EML6: variants seen among roughly 807,000 people sequenced by gnomAD.
The protein encoded by EML6 is echinoderm microtubule-associated protein-like 6.
In EML6, 154 loss-of-function variants were observed where a neutral mutation model predicts 240.1. That is an observed-to-expected ratio of 0.64 (90% CI 0.56 to 0.73). The LOEUF (loss-of-function observed/expected upper bound fraction) is 0.73. Ranked by LOEUF, EML6 falls within the 30% of genes least tolerant of loss-of-function variation. The pLI, the probability that EML6 is intolerant of heterozygous loss-of-function variation, is 0.00. For synonymous variants in EML6, 1,148 were observed against 899.0 expected (o/e 1.28, Z -4.95); for missense variants, 2,964 against 2,474.6 (o/e 1.20, Z -4.20).
intron 26 of EML6, among the ~76,000 whole-genome samples, chr2:54,925,310 A>G (rs536818151): frequency 1.3e-5 from 2 of 152,172 alleles, no homozygotes; most frequent in Non-Finnish European, 2.9e-5. Context: ...AGCCTCTAAA[A>G]CTGTGAGAAA....
At chr2:54,902,982 C>G in intron 22 of EML6, 62 bp from the exon 23 acceptor site, 6 of 1,441,994 alleles carry the variant, frequency 4.2e-6, no homozygotes, top group Non-Finnish European at 5.7e-6. Context: ...TTCATCTTTT[C>G]ATGTGGTTTG....
intron 6 of EML6, 32 bp downstream of exon 6, chr2:54,827,783 A>T: frequency 6.7e-7 from 1 of 1,493,572 alleles, no homozygotes; most frequent in Non-Finnish European, 9.1e-7. Flanking sequence ...TCTGTGGGTG[A>T]CCTACCAAAT....
At chr2:54,798,072 T>C (rs1669917121) in intron 2 of EML6, among the ~76,000 whole-genome samples, 1 of 152,228 alleles carries the variant, frequency 6.6e-6, no homozygotes, top group Admixed American at 6.5e-5. Flanking sequence ...AATGAAGCAA[T>C]TTGAGGAGGT....
At chr2:54,905,680 A>G (rs895203460) in intron 24 of EML6, among the ~76,000 whole-genome samples, 1 of 152,144 alleles carries the variant, frequency 6.6e-6, no homozygotes, top group Non-Finnish European at 1.5e-5. Flanking sequence ...CATTCCCATT[A>G]AATGATAACT....
At chr2:54,915,131 A>G (rs1305395546) in intron 25 of EML6, among the ~76,000 whole-genome samples, 1 of 152,184 alleles carries the variant, frequency 6.6e-6, no homozygotes, top group Non-Finnish European at 1.5e-5. Flanking sequence ...ACCCTTTTGC[A>G]TTGACGGATT....
In EML6 at chr2:54,866,631, T is replaced by C. The variant is rs576763483; in HGVS notation, c.1933-135T>C. ...AGTTTTATTCATTAGGAAAAAGTAA[T>C]ATTCATTCTCATGTCTTAAGTTTTC... On this transcript the variant is annotated intron_variant, in intron 13 of 41. Coordinates refer to ENST00000356458, the MANE Select transcript of EML6 (RefSeq NM_001039753.4). 1,090 of 487,244 alleles carry C rather than the reference T, an allele frequency of 2.2e-3. 6 individuals are homozygous for C. The highest frequency in any genetic ancestry group is 9.0e-3 in the South Asian group (206 of 22,864). The allele number at this position is 487,244 out of a possible 1,614,324, so 30.2% of individuals were successfully genotyped here. A position where few individuals can be genotyped will look rare whatever the true frequency, so the allele number is the denominator to read the frequency against.
At chr2:54,888,526 C>T (rs952450720) in intron 17 of EML6, among the ~76,000 whole-genome samples, 2 of 152,160 alleles carry the variant, frequency 1.3e-5, no homozygotes, top group African/African-American at 2.4e-5. Context: ...ATCCCTCCTC[C>T]CTCCTCTGTA....
In EML6 at chr2:54,915,389, G is replaced by T. The variant is rs559576632; in HGVS notation, c.3499-1370G>T. The stretch of plus-strand genomic sequence containing the variant: ...ATCTAGAATTTGGAAGGGAGTCAAT[G>T]GCCAAAAGCATGCTTCCAGAACCAG... On this transcript the variant is annotated intron_variant, in intron 25 of 41. Transcript: ENST00000356458. 1.1e-4 allele frequency among the ~76,000 whole-genome samples: 17 copies of T among 152,222 alleles called. No homozygotes were observed. In the East Asian group the frequency reaches 3.3e-3, roughly 29 times the overall value.
chr2:54,924,984 A>T (rs904548697), intron 26 of EML6, among the ~76,000 whole-genome samples: 1 of 152,228 alleles, frequency 6.6e-6, no homozygotes, highest in African/African-American at 2.4e-5. Context: ...ACTCTGTTGA[A>T]CAAAGTTCAT....
chr2:54,893,927 C>G (rs1167090798), intron 19 of EML6, among the ~76,000 whole-genome samples: 1 of 152,086 alleles, frequency 6.6e-6, no homozygotes, highest in African/African-American at 2.4e-5. Flanking sequence ...GAAAGAATTT[C>G]TGTAGGCCCA....
At chr2:54,931,572 G>A (rs1002207191) in intron 28 of EML6, among the ~76,000 whole-genome samples, 1 of 152,192 alleles carries the variant, frequency 6.6e-6, no homozygotes, top group Non-Finnish European at 1.5e-5. Context: ...GCAACTTCAA[G>A]CCCTGCTTGA....
intron 26 of EML6, among the ~76,000 whole-genome samples, chr2:54,924,871 T>C (rs952554074): frequency 6.6e-6 from 1 of 152,182 alleles, no homozygotes; most frequent in Non-Finnish European, 1.5e-5. Context: ...CCTCTTCTTT[T>C]TTTTTCAACC....
chr2:54,765,682 G>T (rs746489864), intron 2 of EML6, among the ~76,000 whole-genome samples: 1 of 152,088 alleles, frequency 6.6e-6, no homozygotes, highest in Non-Finnish European at 1.5e-5. Context: ...GGATGGTCTC[G>T]ATCTCCTGAC....
intron 36 of EML6, 111 bp downstream of exon 36, chr2:54,962,822 G>A: frequency 1.2e-6 from 1 of 809,448 alleles, no homozygotes; most frequent in Non-Finnish European, 1.8e-6. Context: ...GATGGGGCCA[G>A]GTAGGAGATC....
intron 28 of EML6, among the ~76,000 whole-genome samples, chr2:54,939,557 C>A (rs561709318): frequency 6.6e-6 from 1 of 152,120 alleles, no homozygotes; most frequent in Non-Finnish European, 1.5e-5. Flanking sequence ...TTTGGCTGAT[C>A]GCAGCTGTCA....
At chr2:54,839,042 G>A (rs1572980066) in intron 7 of EML6, among the ~76,000 whole-genome samples, 1 of 152,184 alleles carries the variant, frequency 6.6e-6, no homozygotes, top group Non-Finnish European at 1.5e-5. Context: ...CAGCTTCGTT[G>A]CCTTCTAATG....
intron 24 of EML6, among the ~76,000 whole-genome samples, chr2:54,905,248 A>G (rs566524197): frequency 1.6e-4 from 23 of 147,278 alleles, no homozygotes; most frequent in Non-Finnish European, 2.2e-4. Flanking sequence ...TAAAGCAGTG[A>G]TTTCTCCCTA....
Position 54,855,150 on chromosome 2 carries a change from G to T in EML6, c.1657+1295G>T, listed in dbSNP as rs144707106. Among the ~76,000 whole-genome samples, 63 of 152,276 alleles carry T rather than the reference G, an allele frequency of 4.1e-4. 1 individual carries two copies. In the East Asian group the frequency reaches 0.012, roughly 29 times the overall value. On this transcript the variant is annotated intron_variant, in intron 11 of 41. Transcript: ENST00000356458. Reference sequence around the variant, plus strand: ...TGCTGTAAAGAAGTACCTGAGACTTGGTAATTTATAAAGAATAGAGGTTTA... The same window carrying T: ...TGCTGTAAAGAAGTACCTGAGACTTTGTAATTTATAAAGAATAGAGGTTTA...
intron 6 of EML6, among the ~76,000 whole-genome samples, chr2:54,828,301 T>C (rs940304621): frequency 6.6e-6 from 1 of 152,236 alleles, no homozygotes; most frequent in Non-Finnish European, 1.5e-5. Flanking sequence ...ACATATCTTC[T>C]GATGGTCTGC....
Sources: allele counts gnomAD v4.1 joint callset (sites outside exome capture counted in the v4.1 genomes callset), GRCh38; gene constraint gnomAD v4.1.1; transcripts MANE v1.5; gene names NCBI Gene and HGNC (gene_info 2026-07-23, HGNC 2026-07-21).